CPQ: variants seen among roughly 807,000 people sequenced by gnomAD.
The protein encoded by CPQ is carboxypeptidase Q.
In CPQ, 37 loss-of-function variants were observed where a neutral mutation model predicts 45.7. The ratio of observed to expected loss-of-function variants is 0.81; its 90% CI spans 0.62 to 1.07. The LOEUF (loss-of-function observed/expected upper bound fraction) is 1.07. Ranked by LOEUF, CPQ falls within the 50% of genes least tolerant of loss-of-function variation. The pLI, the probability that CPQ is intolerant of heterozygous loss-of-function variation, is 0.00. For missense variants in CPQ, 537 were observed against 572.9 expected (o/e 0.94, Z 0.64); for synonymous variants, 186 against 205.8 (o/e 0.90, Z 0.82).
At chr8:96,864,781 A>G (rs1811975627) in intron 3 of CPQ, among the ~76,000 whole-genome samples, 1 of 152,068 alleles carries the variant, frequency 6.6e-6, no homozygotes. Context: ...ACATAGGGAA[A>G]TAAGCACCAA....
intron 5 of CPQ, 107 bp from the exon 6 acceptor site, chr8:97,029,296 C>T: frequency 9.5e-7 from 1 of 1,047,334 alleles, no homozygotes; most frequent in Non-Finnish European, 1.4e-6. Flanking sequence ...GAGTTGAATG[C>T]CTCTGATTTC....
At chr8:96,858,903 T>G (rs896297618) in intron 3 of CPQ, among the ~76,000 whole-genome samples, 1 of 152,190 alleles carries the variant, frequency 6.6e-6, no homozygotes, top group African/African-American at 2.4e-5. Context: ...TATGTGTGTG[T>G]GTATGTGTGT....
chr8:96,776,358 G>T (rs963913086), intron 1 of CPQ, among the ~76,000 whole-genome samples: 1 of 152,144 alleles, frequency 6.6e-6, no homozygotes, highest in Non-Finnish European at 1.5e-5. Flanking sequence ...TCCTGTTCAG[G>T]AATGGAGGGT....
At chr8:97,108,265 T>A (rs34318946) in intron 7 of CPQ, among the ~76,000 whole-genome samples, 12,919 of 152,250 alleles carry the variant, frequency 0.085, 657 homozygotes, top group Non-Finnish European at 0.1. Flanking sequence ...AGAGAGACAA[T>A]CATTTGTCAA....
At chr8:96,839,111 ATT>A (rs1193278444) in intron 3 of CPQ, among the ~76,000 whole-genome samples, 3 of 142,822 alleles carry the variant, frequency 2.1e-5, no homozygotes, top group Non-Finnish European at 4.7e-5. Context: ...ATATATATAT[ATT>A]ATGATTTGTT....
intron 6 of CPQ, among the ~76,000 whole-genome samples, chr8:97,040,604 G>T (rs1262559034): frequency 4.4e-4 from 67 of 152,242 alleles, no homozygotes; most frequent in South Asian, 1.5e-3. Context: ...TTCTAGGGTT[G>T]TTATGGTTTT....
At chr8:96,664,884 A>G (rs1164595739) in intron 1 of CPQ, among the ~76,000 whole-genome samples, 2 of 152,218 alleles carry the variant, frequency 1.3e-5, no homozygotes, top group Non-Finnish European at 2.9e-5. Context: ...TGATACAGGA[A>G]TGAAGGAAAC....
At chr8:96,686,547 C>T (rs950693931) in intron 1 of CPQ, among the ~76,000 whole-genome samples, 1 of 151,832 alleles carries the variant, frequency 6.6e-6, no homozygotes, top group Admixed American at 6.6e-5. Context: ...TGCATAAACA[C>T]CACTTAGTAA....
chr8:97,117,676 G>C (rs1811618096), intron 7 of CPQ, among the ~76,000 whole-genome samples: 1 of 152,044 alleles, frequency 6.6e-6, no homozygotes, highest in Admixed American at 6.6e-5. Flanking sequence ...TGGACTACAG[G>C]CATGTGCCAT....
intron 4 of CPQ, among the ~76,000 whole-genome samples, chr8:96,898,382 C>T (rs1812470501): frequency 6.6e-6 from 1 of 152,016 alleles, no homozygotes. Context: ...GTCCTGGGGA[C>T]AATTCTTTTC....
intron 4 of CPQ, among the ~76,000 whole-genome samples, chr8:96,928,129 T>A (rs1586455499): frequency 6.6e-6 from 1 of 152,172 alleles, no homozygotes; most frequent in Non-Finnish European, 1.5e-5. Flanking sequence ...ATGGGTTGAC[T>A]GTGCCCATCT....
chr8:96,947,651 G>C (rs1264592475), intron 4 of CPQ, among the ~76,000 whole-genome samples: 2 of 152,032 alleles, frequency 1.3e-5, no homozygotes. Context: ...TTTTGATAGG[G>C]ATTGTAGCCA....
At chr8:96,798,594 C>A (rs1810966236) in intron 2 of CPQ, among the ~76,000 whole-genome samples, 1 of 151,982 alleles carries the variant, frequency 6.6e-6, no homozygotes, top group Non-Finnish European at 1.5e-5. Context: ...ATGTGAGTAC[C>A]CCTTGCCTTA....
In CPQ at chr8:96,705,102, G is replaced by T. The variant is rs534963951; in HGVS notation, c.-35+59700G>T. Among the ~76,000 whole-genome samples the T allele has an allele frequency of 3.3e-5, 5 of 152,224 alleles. No homozygotes were observed. The South Asian group carries it at 6.2e-4, about 19-fold the overall frequency. The stretch of plus-strand genomic sequence containing the variant: ...ATGATAAAGAAGGGTGAACAGGAAA[G>T]AATCTTAAAAGCAGAAAAGTTTAAA... On this transcript the variant is annotated intron_variant, in intron 1 of 7. Coordinates refer to ENST00000220763, the MANE Select transcript of CPQ (RefSeq NM_016134.4).
intron 7 of CPQ, among the ~76,000 whole-genome samples, chr8:97,087,170 C>T (rs904330916): frequency 3.3e-5 from 5 of 152,154 alleles, no homozygotes; most frequent in Non-Finnish European, 7.3e-5. Context: ...TCCACAGGTG[C>T]CTGTTAACAA....
chr8:97,121,743 C>T lies in CPQ; in HGVS notation c.1256-21277C>T, dbSNP rs1811706151. Among the ~76,000 whole-genome samples the T allele has an allele frequency of 2.6e-5, 4 of 151,738 alleles. No individual in the cohort carries two copies. In the South Asian group the frequency reaches 8.3e-4, roughly 32 times the overall value. ...ATTTGTAGACAGGCACTATAAGCAA[C>T]TATTATACATATATTCAAGGATTTA... is the stretch of plus-strand genomic sequence containing the variant. On this transcript the variant is annotated intron_variant, in intron 7 of 7. Transcript: ENST00000220763.
At chr8:96,960,568 C>A (rs971252324) in intron 4 of CPQ, among the ~76,000 whole-genome samples, 2 of 152,166 alleles carry the variant, frequency 1.3e-5, no homozygotes. Flanking sequence ...CATGTTCTCA[C>A]CACTGAGTTG....
chr8:97,044,791 G>C (rs967107794), intron 6 of CPQ, among the ~76,000 whole-genome samples: 29 of 152,212 alleles, frequency 1.9e-4, no homozygotes, highest in African/African-American at 6.8e-4. Flanking sequence ...GGTGGCTGCA[G>C]AACAGCGGAT....
At chr8:96,857,396 C>T (rs551962313) in intron 3 of CPQ, among the ~76,000 whole-genome samples, 1 of 152,276 alleles carries the variant, frequency 6.6e-6, no homozygotes, top group African/African-American at 2.4e-5. Context: ...AGTCATTTCT[C>T]CCATGACTTC....
Sources: allele counts gnomAD v4.1 joint callset (sites outside exome capture counted in the v4.1 genomes callset), GRCh38; gene constraint gnomAD v4.1.1; transcripts MANE v1.5; gene names NCBI Gene and HGNC (gene_info 2026-07-23, HGNC 2026-07-21).